CLK1: variants seen among roughly 807,000 people sequenced by gnomAD.
The protein encoded by CLK1 is dual specificity protein kinase CLK1.
CLK1 carries 40 observed loss-of-function variants against 60.9 expected under a neutral mutation model. That is an observed-to-expected ratio of 0.66 (90% CI 0.51 to 0.86). The LOEUF (loss-of-function observed/expected upper bound fraction) is 0.86, where lower values mean the gene tolerates loss of function less well. CLK1 is among the 40% of genes least tolerant of loss of function. CLK1 has a pLI of 0.00. For synonymous variants in CLK1, 203 were observed against 184.4 expected (o/e 1.10, Z -0.82); for missense variants, 563 against 606.1 (o/e 0.93, Z 0.75).
At chr2:200,857,532 G>A (rs529592543) in intron 7 of CLK1, 186 bp downstream of exon 7, 1 of 501,524 alleles carries the variant, frequency 2.0e-6, no homozygotes, top group South Asian at 3.4e-5. Flanking sequence ...GTTATATGGT[G>A]GATATCCTAC....
At chr2:200,863,779 G>C (rs898519868) in intron 1 of CLK1, among the ~76,000 whole-genome samples, 1 of 152,058 alleles carries the variant, frequency 6.6e-6, no homozygotes, top group African/African-American at 2.4e-5. Context: ...GCTTGAACCC[G>C]GGAGGCGGAG....
rs1443419316 is a variant in CLK1 at position 200,857,784 on chromosome 2, C to A, written c.766G>T (p.Gly256Cys). ...TGATCCAGTCGAAATGGTAGAAAACCATTTTCTTTAATGAAGTCGTAAGTA... is the reference window on the plus strand; with the variant it reads ...TGATCCAGTCGAAATGGTAGAAAACAATTTTCTTTAATGAAGTCGTAAGTA... Reference protein sequence around the residue: ...LSTYDFIKENGFLPFRLDHIR... With the variant: ...LSTYDFIKENCFLPFRLDHIR... Residue 256 changes from glycine (G) to cysteine (C), a missense_variant, in exon 7 of 13, where the codon GGT becomes TGT. By Grantham distance (159) the Gly-to-Cys change is radical. Around this residue, in one of 3 missense-constraint regions of CLK1, gnomAD observed 360 missense variants for 407.0 expected, o/e 0.88. Transcript: ENST00000321356. 8 of 1,612,958 alleles carry A rather than the reference C, an allele frequency of 5.0e-6. No individual in the cohort carries two copies. The East Asian group carries it at 1.8e-4, about 36-fold the overall frequency.
intron 9 of CLK1, among the ~76,000 whole-genome samples, chr2:200,855,962 T>C (rs1020805820): frequency 2.7e-5 from 4 of 149,586 alleles, no homozygotes; most frequent in Non-Finnish European, 5.9e-5. Flanking sequence ...TGAGCCAAGA[T>C]TGCACCACTG....
At chr2:200,861,007 C>T in intron 3 of CLK1, 1 of 1,324,520 alleles carries the variant, frequency 7.5e-7, no homozygotes, top group East Asian at 2.9e-5. Context: ...TAACTCCCAT[C>T]ATTTCACTGG....
chr2:200,856,213 G>T (rs1359511366), intron 9 of CLK1, among the ~76,000 whole-genome samples: 1 of 151,708 alleles, frequency 6.6e-6, no homozygotes, highest in African/African-American at 2.4e-5. Context: ...TGGAACTACT[G>T]ACGTGTACCA....
At chr2:200,863,343 G>A (rs1167400656) in intron 1 of CLK1, 2 of 152,330 alleles carry the variant, frequency 1.3e-5, no homozygotes, top group Non-Finnish European at 2.9e-5. Flanking sequence ...AGGGCTGCTT[G>A]AGCCCAGGAA....
At chr2:200,863,230 A>T (rs1041512143) in intron 1 of CLK1, 6 of 151,998 alleles carry the variant, frequency 3.9e-5, no homozygotes, top group African/African-American at 1.5e-4. Context: ...CTGATAACCC[A>T]CTACCATTGG....
chr2:200,864,356 C>T, intron 1 of CLK1: 2 of 1,244,512 alleles, frequency 1.6e-6, no homozygotes, highest in Non-Finnish European at 2.1e-6. Flanking sequence ...CGTAACTACC[C>T]CCGCAGGCCG....
intron 9 of CLK1, 105 bp downstream of exon 9, chr2:200,856,577 A>G: frequency 1.1e-6 from 1 of 886,154 alleles, no homozygotes. Flanking sequence ...CTTATCCCTT[A>G]AAGAGAATAT....
At chr2:200,854,055 G>C in intron 11 of CLK1, 62 bp from the exon 12 acceptor site, 1 of 1,093,444 alleles carries the variant, frequency 9.1e-7, no homozygotes, top group Non-Finnish European at 1.4e-6. Context: ...AGCTAGCAAA[G>C]GTATCAATTA....
chr2:200,861,539 C>T, intron 2 of CLK1, 73 bp from the exon 3 acceptor site: 1 of 1,572,484 alleles, frequency 6.4e-7, no homozygotes, highest in South Asian at 1.2e-5. Flanking sequence ...CAAGACAGCA[C>T]CTAGACTCCC....
rs539356216 is a variant in CLK1, at chr2:200,853,464, G to A, written c.1312-15C>T. ...AGCATAAATTCCTGGAAGAAAAAAAGAAATTCATTCAACAGCCTTTTCCAC... is the reference window on the plus strand; with the variant it reads ...AGCATAAATTCCTGGAAGAAAAAAAAAAATTCATTCAACAGCCTTTTCCAC... On this transcript the variant is annotated splice_polypyrimidine_tract_variant and intron_variant, in intron 12 of 12. Coordinates refer to ENST00000321356, the MANE Select transcript of CLK1 (RefSeq NM_004071.4). 1.9e-4 allele frequency: 305 copies of A among 1,600,906 alleles called. No homozygotes were observed. In the African/African-American group the frequency reaches 3.7e-3, roughly 20 times the overall value.
Position 200,853,229 on chromosome 2 carries a change from A to T in CLK1, c.*77T>A. 8.8e-7 allele frequency: 1 copy of T among 1,134,882 alleles called. No individual in the cohort carries two copies. The highest frequency in any genetic ancestry group is 1.8e-5 in the South Asian group (1 of 55,442). The allele number at this position is 1,134,882 out of a possible 1,614,324, so 70.3% of individuals were successfully genotyped here. On this transcript the variant is annotated 3_prime_UTR_variant, in exon 13 of 13. Transcript: ENST00000321356. ...AAATGTTAAGAATTTACAAAGCTGT[A>T]CAAAATAACTTAAAATTTAAAAATT...
In CLK1 at chr2:200,853,460, AAAAG is replaced by A. The variant is rs1243451377; in HGVS notation, c.1312-15_1312-12del. On this transcript the variant is annotated splice_polypyrimidine_tract_variant and intron_variant, in intron 12 of 12. Transcript: ENST00000321356. ...AGAAAGCATAAATTCCTGGAAGAAA[AAAAG>A]AAATTCATTCAACAGCCTTTTCCAC... 5 of 1,601,932 alleles carry A rather than the reference AAAAG, an allele frequency of 3.1e-6. No individual in the cohort carries two copies. Among genetic ancestry groups the A allele is most frequent in the South Asian group, 2.2e-5 (2 of 89,414 alleles).
chr2:200,854,066 C>T, intron 11 of CLK1, 73 bp from the exon 12 acceptor site: 1 of 951,028 alleles, frequency 1.1e-6, no homozygotes, highest in Admixed American at 2.1e-5. Context: ...GTATCAATTA[C>T]TATGCTTTCC....
intron 10 of CLK1, 67 bp downstream of exon 10, chr2:200,854,937 T>C: frequency 8.4e-6 from 10 of 1,194,890 alleles, no homozygotes; most frequent in Non-Finnish European, 1.2e-5. Flanking sequence ...GAAGCAAAAG[T>C]ATTTATTCAT....
At position 200,853,066 on chromosome 2, in the gene CLK1, C is replaced by G; in HGVS notation, c.*240G>C. The G allele has an allele frequency of 5.9e-6, 2 of 336,816 alleles. No individual in the cohort carries two copies. 20.9% of individuals were successfully genotyped at this position (336,816 alleles called of 1,614,324 possible). ...AAAATGGTACTTAGAACAAACTGTT[C>G]AGATACATATCAACTTCATAAGCAC... On this transcript the variant is annotated 3_prime_UTR_variant, in exon 13 of 13. Coordinates refer to ENST00000321356, the MANE Select transcript of CLK1 (RefSeq NM_004071.4).
At chr2:200,858,998 C>CTACTAATACAAACAATACAA (rs971987690) in intron 5 of CLK1, among the ~76,000 whole-genome samples, 4 of 152,036 alleles carry the variant, frequency 2.6e-5, no homozygotes, top group Non-Finnish European at 4.4e-5. Context: ...AACATAGTCT[C>CTACTAATACAAACAATACAA]TACTAATACA....
chr2:200,859,958 C>T (rs2039108032), intron 4 of CLK1, 167 bp downstream of exon 4: 1 of 1,428,980 alleles, frequency 7.0e-7, no homozygotes, highest in South Asian at 1.6e-5. Context: ...ACAAACATTA[C>T]ATTTCTAAAG....
Sources: gnomAD v4.1 joint callset for allele counts (sites outside exome capture counted in the v4.1 genomes callset) on GRCh38, gnomAD v4.1.1 for gene constraint, gnomAD v4.1.1 regional missense constraint, MANE v1.5 for transcripts, NCBI Gene and HGNC (gene_info 2026-07-23, HGNC 2026-07-21) for gene names.